Variants in SLC12A6 observed in about 807,000 individuals in gnomAD.
The protein encoded by SLC12A6 is solute carrier family 12 member 6.
Under a neutral mutation model 135.3 loss-of-function variants are expected in SLC12A6, and 66 were observed. The ratio of observed to expected loss-of-function variants is 0.49; its 90% CI spans 0.40 to 0.60. The LOEUF (loss-of-function observed/expected upper bound fraction) is 0.60, where lower values mean the gene tolerates loss of function less well. Ranked by LOEUF, SLC12A6 falls within the 20% of genes least tolerant of loss-of-function variation. The pLI is 0.00. For synonymous variants in SLC12A6, 513 were observed against 508.8 expected, an observed-to-expected ratio of 1.01 and a Z score of -0.11; for missense variants, 1,058 against 1,452.3, an observed-to-expected ratio of 0.73 and a Z score of 4.41.
chr15:34,255,515 C>T, intron 7 of SLC12A6, 123 bp from the exon 8 acceptor site: 1 of 732,726 alleles, frequency 1.4e-6, no homozygotes, highest in Non-Finnish European at 2.3e-6. Context: ...TCTGCAAACC[C>T]TCAATGTGAT....
chr15:34,315,014 C>T (rs1048786215), intron 2 of SLC12A6, among the ~76,000 whole-genome samples: 2 of 152,138 alleles, frequency 1.3e-5, no homozygotes, highest in South Asian at 4.2e-4. Flanking sequence ...ATGATAAAAC[C>T]TGAATAGATA....
chr15:34,281,056 G>A (rs1266233312), intron 2 of SLC12A6, among the ~76,000 whole-genome samples: 1 of 152,124 alleles, frequency 6.6e-6, no homozygotes, highest in African/African-American at 2.4e-5. Flanking sequence ...TGGGCGGAGG[G>A]CAGGGGGATA....
chr15:34,282,038 C>T (rs1894720658), intron 2 of SLC12A6, among the ~76,000 whole-genome samples: 1 of 151,916 alleles, frequency 6.6e-6, no homozygotes, highest in South Asian at 2.1e-4. Context: ...TACTTTAGTC[C>T]ACACCATCTG....
intron 2 of SLC12A6, among the ~76,000 whole-genome samples, chr15:34,309,907 C>T (rs1888031589): frequency 6.6e-6 from 1 of 152,002 alleles, no homozygotes; most frequent in African/African-American, 2.4e-5. Flanking sequence ...AAATAAAAGG[C>T]TTTTCAATCA....
At chr15:34,305,169 T>C (rs1052047351) in intron 2 of SLC12A6, among the ~76,000 whole-genome samples, 4 of 152,208 alleles carry the variant, frequency 2.6e-5, no homozygotes, top group Admixed American at 2.6e-4. Flanking sequence ...AGGTGAATCC[T>C]TGGAGCTCAA....
intron 13 of SLC12A6, among the ~76,000 whole-genome samples, chr15:34,246,152 C>T (rs1365064752): frequency 1.3e-5 from 2 of 152,044 alleles, no homozygotes; most frequent in Non-Finnish European, 2.9e-5. Context: ...AGGCTGGTCT[C>T]GAACTCTTGG....
Position 34,261,033 on chromosome 15 carries a change from A to T in SLC12A6, c.317-13T>A. The T allele has an allele frequency of 7.5e-7, 1 of 1,336,014 alleles. No individual in the cohort carries two copies. The highest frequency in any genetic ancestry group is 2.3e-5 in the East Asian group (1 of 43,582). The allele number at this position is 1,336,014 out of a possible 1,614,324, so 82.8% of individuals were successfully genotyped here. On this transcript the variant is annotated splice_polypyrimidine_tract_variant and intron_variant, in intron 3 of 25. Transcript: ENST00000354181. The stretch of plus-strand genomic sequence containing the variant: ...TTATGTCCGTCGTCTGGAAAAAAAA[A>T]AGTAGACCAAGTTAGTTTCTCACTG...
At position 34,336,557 on chromosome 15, in the gene SLC12A6, G is replaced by C. The variant is rs916432017; in HGVS notation, c.124C>G (p.Arg42Gly). The change falls in exon 2 of 26, where the codon CGA becomes GGA. Residue 42 changes from arginine to glycine, a missense_variant. Arg to Gly is a moderately radical substitution (Grantham distance 125). Around this residue, in one of 6 missense-constraint regions of SLC12A6, gnomAD observed 176 missense variants for 168.9 expected, o/e 1.04. Transcript: ENST00000354181. ...SPDLSSRSSS[R>G]VRFSSRESVP... is the part of the protein sequence containing the mutation. ...CTTTCCCGGGAGCTAAATCTTACTCGGGAACTAGATCGAGAGCTGAGGTCC... is the reference window on the plus strand; with the variant it reads ...CTTTCCCGGGAGCTAAATCTTACTCCGGAACTAGATCGAGAGCTGAGGTCC... 23 of 1,613,978 alleles carry C rather than the reference G, an allele frequency of 1.4e-5. No individual in the cohort carries two copies. The highest frequency in any genetic ancestry group is 1.9e-5 in the Non-Finnish European group (22 of 1,179,966).
intron 19 of SLC12A6, among the ~76,000 whole-genome samples, chr15:34,239,956 T>C (rs1891530194): frequency 6.6e-6 from 1 of 152,208 alleles, no homozygotes; most frequent in Non-Finnish European, 1.5e-5. Context: ...AGTAAAACTT[T>C]TTTTTTTAAA....
intron 10 of SLC12A6, among the ~76,000 whole-genome samples, chr15:34,251,404 C>T (rs1277130869): frequency 6.6e-6 from 1 of 152,040 alleles, no homozygotes; most frequent in African/African-American, 2.4e-5. Context: ...CCTGCCACCA[C>T]GCCCAGCTAA....
At chr15:34,238,889 G>A (rs1197452258) in intron 20 of SLC12A6, 76 bp downstream of exon 20, 6 of 1,259,074 alleles carry the variant, frequency 4.8e-6, no homozygotes, top group Admixed American at 3.4e-5. Context: ...TCTACTTTAG[G>A]AGGCTGGGGG....
chr15:34,269,302 A>ATT (rs34450731), intron 3 of SLC12A6, among the ~76,000 whole-genome samples: 7 of 150,200 alleles, frequency 4.7e-5, no homozygotes, highest in South Asian at 2.1e-4. Flanking sequence ...TTCATGGCAT[A>ATT]TTTTTTTTTT....
At chr15:34,269,675 T>C (rs548242129) in intron 3 of SLC12A6, among the ~76,000 whole-genome samples, 2 of 152,352 alleles carry the variant, frequency 1.3e-5, no homozygotes, top group African/African-American at 4.8e-5. Context: ...TTTCTGATGG[T>C]CTGGGTTTTG....
chr15:34,248,338 T>G (rs1277117233), intron 13 of SLC12A6, among the ~76,000 whole-genome samples: 1 of 152,204 alleles, frequency 6.6e-6, no homozygotes, highest in African/African-American at 2.4e-5. Flanking sequence ...TTGATGCACA[T>G]GTGCAAGCAT....
intron 2 of SLC12A6, among the ~76,000 whole-genome samples, chr15:34,311,395 GA>G (rs1181755957): frequency 6.6e-6 from 1 of 152,080 alleles, no homozygotes; most frequent in Non-Finnish European, 1.5e-5. Context: ...TGAATGAATG[GA>G]AATTCATATC....
rs147607268 is a variant in SLC12A6 at position 34,253,469 on chromosome 15, G to C, written c.1118+879C>G. ...CAGTCCCTAGATAAGCAGATTAAAAGTTTAAGATGGAATCTACTTCTGCCA... is the reference window on the plus strand; with the variant it reads ...CAGTCCCTAGATAAGCAGATTAAAACTTTAAGATGGAATCTACTTCTGCCA... On this transcript the variant is annotated intron_variant, in intron 9 of 25. Coordinates refer to ENST00000354181, the MANE Select transcript of SLC12A6 (RefSeq NM_001365088.1). Among the ~76,000 whole-genome samples the C allele has an allele frequency of 4.0e-3, 612 of 152,266 alleles. 1 individual carries two copies. Among genetic ancestry groups the C allele is most frequent in the Non-Finnish European group, 6.1e-3 (412 of 68,020 alleles).
chr15:34,302,080 A>G (rs1353759371), intron 2 of SLC12A6, among the ~76,000 whole-genome samples: 2 of 152,238 alleles, frequency 1.3e-5, no homozygotes, highest in East Asian at 3.8e-4. Context: ...TGAAGAACTC[A>G]GCAGTGATGA....
At chr15:34,255,575 A>G (rs1892693464) in intron 7 of SLC12A6, among the ~76,000 whole-genome samples, 183 bp from the exon 8 acceptor site, 1 of 152,186 alleles carries the variant, frequency 6.6e-6, no homozygotes, top group African/African-American at 2.4e-5. Context: ...ATTGTGGGAT[A>G]TACTGCACAA....
In SLC12A6 at chr15:34,238,735, T is replaced by G. The variant is rs989785277; in HGVS notation, c.2632+230A>C. The G allele has an allele frequency of 9.7e-6, 6 of 615,462 alleles. No individual in the cohort carries two copies. The African/African-American group carries it at 1.1e-4, about 11-fold the overall frequency. The allele number at this position is 615,462 out of a possible 1,614,324, so 38.1% of individuals were successfully genotyped here. A position where few individuals can be genotyped will look rare whatever the true frequency, so the allele number is the denominator to read the frequency against. On this transcript the variant is annotated intron_variant, in intron 20 of 25. Coordinates refer to ENST00000354181, the MANE Select transcript of SLC12A6 (RefSeq NM_001365088.1). ...AATCACAAATGAAAACACGGCAATT[T>G]TGGAGATAATTCCTAGCACAAGACT... is the stretch of plus-strand genomic sequence containing the variant.
Sources: allele counts gnomAD v4.1 joint callset (sites outside exome capture counted in the v4.1 genomes callset), GRCh38; gene constraint gnomAD v4.1.1; regional missense constraint gnomAD v4.1.1; transcripts MANE v1.5; gene names NCBI Gene and HGNC (gene_info 2026-07-23, HGNC 2026-07-21).